LARP4B: variants seen among roughly 807,000 people sequenced by gnomAD.
LARP4B encodes La ribonucleoprotein 4B.
Under a neutral mutation model 89.8 loss-of-function variants are expected in LARP4B, and 12 were observed. That is an observed-to-expected ratio of 0.13 (90% CI 0.09 to 0.22). The LOEUF (loss-of-function observed/expected upper bound fraction) is 0.22, where lower values mean the gene tolerates loss of function less well. Ranked by LOEUF, LARP4B falls within the 10% of genes least tolerant of loss-of-function variation. The pLI is 1.00. For missense variants in LARP4B, 757 were observed against 947.7 expected (o/e 0.80, Z 2.64); for synonymous variants, 367 against 363.3 (o/e 1.01, Z -0.12).
intron 1 of LARP4B, among the ~76,000 whole-genome samples, chr10:900,420 C>CTTGTTTTTTT: frequency 2.2e-5 from 1 of 45,230 alleles, no homozygotes; most frequent in Non-Finnish European, 3.8e-5. Flanking sequence ...AGAAGGATGT[C>CTTGTTTTTTT]TTTTTTTTTT....
chr10:856,865 A>G (rs1038872540), intron 5 of LARP4B, among the ~76,000 whole-genome samples: 8 of 152,218 alleles, frequency 5.3e-5, no homozygotes, highest in Non-Finnish European at 1.2e-4. Context: ...GGGTTTAATC[A>G]GAGCAGAACA....
intron 11 of LARP4B, among the ~76,000 whole-genome samples, chr10:826,555 T>C (rs2131641455): frequency 6.6e-6 from 1 of 152,314 alleles, no homozygotes; most frequent in South Asian, 2.1e-4. Flanking sequence ...TCTAGACACA[T>C]ACAAAAATAA....
intron 8 of LARP4B, among the ~76,000 whole-genome samples, chr10:835,242 C>T (rs925721571): frequency 2.0e-5 from 3 of 152,176 alleles, no homozygotes; most frequent in South Asian, 2.1e-4. Flanking sequence ...GAATTTCTTA[C>T]GCTAGGCAGA....
the LARP4B span, among the ~76,000 whole-genome samples, chr10:975,955 G>A: frequency 6.8e-6 from 1 of 147,850 alleles, no homozygotes; most frequent in Non-Finnish European, 1.5e-5. Flanking sequence ...GTCGTGCAAC[G>A]TGTGGACCCG....
At chr10:931,071 G>A (rs1830578722) in intron 1 of LARP4B, among the ~76,000 whole-genome samples, 1 of 149,918 alleles carries the variant, frequency 6.7e-6, no homozygotes, top group South Asian at 2.1e-4. Flanking sequence ...CAGCTCCGTC[G>A]ACTCCCGCCT....
At chr10:925,130 A>C (rs1334662723) in intron 1 of LARP4B, among the ~76,000 whole-genome samples, 1 of 152,362 alleles carries the variant, frequency 6.6e-6, no homozygotes, top group African/African-American at 2.4e-5. Flanking sequence ...CTGTTGTAGC[A>C]GACTATCCAA....
At chr10:965,892 C>T in the LARP4B span, among the ~76,000 whole-genome samples, 1 of 152,102 alleles carries the variant, frequency 6.6e-6, no homozygotes, top group Non-Finnish European at 1.5e-5. Context: ...AGCTCAGGCC[C>T]CTTCCCGGCA....
Position 822,822 on chromosome 10 carries a change from C to A in LARP4B, c.1485-1977G>T, listed in dbSNP as rs1832425776. On this transcript the variant is annotated intron_variant, in intron 13 of 17. Transcript: ENST00000316157. The surrounding 1 kb of genome is among the most constrained non-coding windows in gnomAD (Gnocchi z 4.6). Reference sequence around the variant, plus strand: ...CTCCACCAAGGCAGCCACCTGGCGCCTGGGGCTCCTCATGCCATTCAACCC... The same window carrying A: ...CTCCACCAAGGCAGCCACCTGGCGCATGGGGCTCCTCATGCCATTCAACCC... Among the ~76,000 whole-genome samples the A allele has an allele frequency of 6.6e-6, 1 of 152,260 alleles. No homozygotes were observed. Among genetic ancestry groups the A allele is most frequent in the Non-Finnish European group, 1.5e-5 (1 of 68,046 alleles).
intron 1 of LARP4B, among the ~76,000 whole-genome samples, chr10:916,708 T>C (rs571168294): frequency 6.6e-6 from 1 of 152,150 alleles, no homozygotes; most frequent in East Asian, 1.9e-4. Context: ...AACAAACAAA[T>C]AAATAAAGAG....
At chr10:892,890 T>C (rs930373978) in intron 1 of LARP4B, among the ~76,000 whole-genome samples, 1 of 147,398 alleles carries the variant, frequency 6.8e-6, no homozygotes, top group African/African-American at 2.5e-5. Context: ...CCCTACAAAT[T>C]CACCAAGAGA....
At chr10:909,088 A>G (rs955128138) in intron 1 of LARP4B, among the ~76,000 whole-genome samples, 4 of 152,008 alleles carry the variant, frequency 2.6e-5, no homozygotes, top group Non-Finnish European at 4.4e-5. Flanking sequence ...AGGTCAGGAG[A>G]TCAAGATCAT....
chr10:847,516 AC>A (rs1833832281), intron 5 of LARP4B, among the ~76,000 whole-genome samples: 1 of 150,184 alleles, frequency 6.7e-6, no homozygotes. Flanking sequence ...GTGACATGAA[AC>A]TTTTTTCTTT....
Position 815,068 on chromosome 10 carries a change from G to A in LARP4B, c.1698C>T (p.Thr566=), listed in dbSNP as rs1033520687. The A allele has an allele frequency of 6.4e-7, 1 of 1,570,678 alleles. No individual in the cohort carries two copies. The highest frequency in any genetic ancestry group is 1.2e-5 in the South Asian group (1 of 84,850). The change falls in exon 16 of 18, where the codon ACC becomes ACT. Residue 566 remains threonine, a splice_region_variant and synonymous_variant. Coordinates refer to ENST00000316157, the MANE Select transcript of LARP4B (RefSeq NM_015155.3). ...SLIIGPSKER[T]LSADASVNTL... ...TGTTCACGCTTGCGTCTGCACTGAGGGTCTGAAACAGGGTCAAGAGTGTTC... is the reference window on the plus strand; with the variant it reads ...TGTTCACGCTTGCGTCTGCACTGAGAGTCTGAAACAGGGTCAAGAGTGTTC...
intron 5 of LARP4B, among the ~76,000 whole-genome samples, chr10:856,866 G>C (rs1018039291): frequency 2.6e-5 from 4 of 152,176 alleles, no homozygotes; most frequent in Non-Finnish European, 4.4e-5. Context: ...GGTTTAATCA[G>C]AGCAGAACAT....
intron 5 of LARP4B, among the ~76,000 whole-genome samples, chr10:847,524 C>CTT (rs201495770): frequency 8.2e-5 from 12 of 146,064 alleles, no homozygotes; most frequent in Non-Finnish European, 1.5e-4. Context: ...AAACTTTTTT[C>CTT]TTTTTTTTTT....
chr10:837,965 G>C lies in LARP4B; in HGVS notation c.647-1459C>G, dbSNP rs962476428. 4.0e-5 allele frequency among the ~76,000 whole-genome samples: 6 copies of C among 151,364 alleles called. 1 individual carries two copies. In the South Asian group the frequency reaches 6.2e-4, roughly 16 times the overall value. The stretch of plus-strand genomic sequence containing the variant: ...AAAAAAAAAAACAGCTGTACACTTA[G>C]AGAGCATATTTGTAAATCACGTGTA... On this transcript the variant is annotated intron_variant, in intron 7 of 17. Transcript: ENST00000316157.
rs545884999 is a variant in LARP4B, at chr10:848,819, G to A, written c.431-3764C>T. On this transcript the variant is annotated intron_variant, in intron 5 of 17. Coordinates refer to ENST00000316157, the MANE Select transcript of LARP4B (RefSeq NM_015155.3). ...CCTGGTATAGTCAGCCCTCAACACA[G>A]AGAAAATCTACACACAGGAGTAGAG... Among the ~76,000 whole-genome samples the A allele has an allele frequency of 4.0e-5, 6 of 151,620 alleles. No individual in the cohort carries two copies. In the East Asian group the frequency reaches 1.2e-3, roughly 30 times the overall value.
At chr10:908,442 AG>A (rs964934394) in intron 1 of LARP4B, among the ~76,000 whole-genome samples, 31 of 152,282 alleles carry the variant, frequency 2.0e-4, no homozygotes, top group African/African-American at 4.6e-4. Context: ...GAACCCAAAG[AG>A]GGGGCCATGG....
Position 814,575 on chromosome 10 carries a change from G to A in LARP4B, c.1929+167C>T, listed in dbSNP as rs1397210376. The A allele has an allele frequency of 6.9e-7, 1 of 1,458,956 alleles. No individual in the cohort carries two copies. The highest frequency in any genetic ancestry group is 1.2e-5 in the South Asian group (1 of 81,386). 90.4% of individuals were successfully genotyped at this position (1,458,956 alleles called of 1,614,324 possible). ...TAGAGTAGTTAGTGGAAAATTATTA[G>A]CAAATATTAAAGGTATTTTGTACAG... On this transcript the variant is annotated intron_variant, in intron 17 of 17. Coordinates refer to ENST00000316157, the MANE Select transcript of LARP4B (RefSeq NM_015155.3). The surrounding 1 kb of genome is among the most constrained non-coding windows in gnomAD (Gnocchi z 4.4).
Sources: allele counts gnomAD v4.1 joint callset (sites outside exome capture counted in the v4.1 genomes callset), GRCh38; gene constraint gnomAD v4.1.1; non-coding constraint Gnocchi (gnomAD v3.1); transcripts MANE v1.5; gene names NCBI Gene and HGNC (gene_info 2026-07-23, HGNC 2026-07-21).